LUZP2: variants seen among roughly 807,000 people sequenced by gnomAD.
LUZP2 encodes leucine zipper protein 2.
A neutral mutation model predicts 51.6 loss-of-function variants in LUZP2; 52 were observed. The observed-to-expected ratio is 1.01, with a 90% CI of 0.81 to 1.27. The LOEUF (loss-of-function observed/expected upper bound fraction) is 1.27, where lower values mean the gene tolerates loss of function less well. Ranked by LOEUF, LUZP2 falls within the 50% of genes most tolerant of loss-of-function variation. The pLI is 0.00. For synonymous variants in LUZP2, 154 were observed against 137.3 expected (o/e 1.12, Z -0.85); for missense variants, 436 against 395.4 (o/e 1.10, Z -0.87).
chr11:24,853,817 C>G (rs1564994244), intron 5 of LUZP2, among the ~76,000 whole-genome samples: 2 of 152,088 alleles, frequency 1.3e-5, no homozygotes, highest in Admixed American at 1.3e-4. Flanking sequence ...GTGTGGACAT[C>G]CTTTTTGTTG....
intron 7 of LUZP2, among the ~76,000 whole-genome samples, chr11:24,965,331 A>T (rs1167529891): frequency 6.7e-6 from 1 of 150,074 alleles, no homozygotes; most frequent in African/African-American, 2.5e-5. Context: ...TTTCTGCTGA[A>T]ATCTCCATTT....
chr11:24,917,964 T>G (rs1853853189), intron 7 of LUZP2, among the ~76,000 whole-genome samples: 1 of 152,148 alleles, frequency 6.6e-6, no homozygotes, highest in Non-Finnish European at 1.5e-5. Context: ...TTCCTACCCA[T>G]GAGCATGGAA....
intron 5 of LUZP2, among the ~76,000 whole-genome samples, chr11:24,819,360 TA>T (rs577969775): frequency 7.0e-4 from 106 of 152,188 alleles, no homozygotes; most frequent in Middle Eastern, 6.8e-3. Flanking sequence ...AAGAGAATGA[TA>T]GGACTTAATT....
At chr11:24,949,364 A>G (rs1488687426) in intron 7 of LUZP2, among the ~76,000 whole-genome samples, 2 of 151,160 alleles carry the variant, frequency 1.3e-5, no homozygotes, top group South Asian at 2.1e-4. Context: ...AATGATTTAG[A>G]CCTAAATGAT....
At chr11:24,979,030 T>C (rs1210324843) in intron 8 of LUZP2, among the ~76,000 whole-genome samples, 1 of 151,818 alleles carries the variant, frequency 6.6e-6, no homozygotes, top group Non-Finnish European at 1.5e-5. Flanking sequence ...ACTCTTTGAC[T>C]GAATGACCAT....
chr11:24,765,242 T>C (rs528596665), intron 5 of LUZP2, among the ~76,000 whole-genome samples: 2 of 152,326 alleles, frequency 1.3e-5, no homozygotes, highest in South Asian at 4.1e-4. Flanking sequence ...AGTGAAGTTA[T>C]ATGGGCACTT....
intron 9 of LUZP2, among the ~76,000 whole-genome samples, chr11:25,019,237 A>G (rs1324470855): frequency 6.6e-6 from 1 of 152,212 alleles, no homozygotes; most frequent in Admixed American, 6.5e-5. Flanking sequence ...AACAGAATCT[A>G]TCATATAGAA....
intron 5 of LUZP2, among the ~76,000 whole-genome samples, chr11:24,854,373 T>C (rs1485571344): frequency 6.6e-6 from 1 of 152,212 alleles, no homozygotes; most frequent in Non-Finnish European, 1.5e-5. Context: ...TGCTGAGCTA[T>C]GGTGGGCTCC....
At chr11:24,878,283 C>T (rs1356792435) in intron 5 of LUZP2, among the ~76,000 whole-genome samples, 1 of 151,906 alleles carries the variant, frequency 6.6e-6, no homozygotes, top group African/African-American at 2.4e-5. Context: ...TTTATTTCCC[C>T]TTCATATTTG....
At chr11:24,620,870 T>A (rs1854471561) in intron 1 of LUZP2, among the ~76,000 whole-genome samples, 1 of 152,214 alleles carries the variant, frequency 6.6e-6, no homozygotes, top group Admixed American at 6.5e-5. Context: ...GATTTAATGT[T>A]CAGTGAGAAC....
Position 24,564,372 on chromosome 11 carries a change from A to T in LUZP2, c.62+67067A>T, listed in dbSNP as rs79104319. 4.0e-3 allele frequency among the ~76,000 whole-genome samples: 603 copies of T among 152,288 alleles called. 24 individuals carry two copies. In the East Asian group the frequency reaches 0.086, roughly 22 times the overall value. On this transcript the variant is annotated intron_variant, in intron 1 of 11. Coordinates refer to ENST00000336930, the MANE Select transcript of LUZP2 (RefSeq NM_001009909.4). ...TAATAAAGTAAAATTTGTTTTTAAT[A>T]TAACTGAAATTTTAATTCAGGCTTA... is the stretch of plus-strand genomic sequence containing the variant.
chr11:24,729,298 A>C lies in LUZP2; in HGVS notation c.180+12A>C. 7.2e-7 allele frequency: 1 copy of C among 1,393,098 alleles called. No individual in the cohort carries two copies. Among genetic ancestry groups the C allele is most frequent in the Non-Finnish European group, 9.8e-7 (1 of 1,016,728 alleles). 86.3% of individuals were successfully genotyped at this position (1,393,098 alleles called of 1,614,324 possible). On this transcript the variant is annotated intron_variant, in intron 2 of 11. Transcript: ENST00000336930. ...AAGTCAATCTTCAGGTGAGATGAGA[A>C]CTCATTTTCCGAGCAGTAAAAGAGG...
At chr11:24,559,220 A>C (rs1851960665) in intron 1 of LUZP2, among the ~76,000 whole-genome samples, 1 of 152,196 alleles carries the variant, frequency 6.6e-6, no homozygotes, top group Admixed American at 6.5e-5. Context: ...AAAAACAAGT[A>C]GATTTGTAAA....
intron 1 of LUZP2, among the ~76,000 whole-genome samples, chr11:24,652,446 G>A (rs541115823): frequency 6.6e-6 from 1 of 152,010 alleles, no homozygotes; most frequent in South Asian, 2.1e-4. Context: ...AGAATGCTTA[G>A]GTTCACATAT....
chr11:24,973,936 A>G lies in LUZP2; in HGVS notation c.523-2655A>G, dbSNP rs554722006. 2.6e-5 allele frequency among the ~76,000 whole-genome samples: 4 copies of G among 152,164 alleles called. No homozygotes were observed. In the South Asian group the frequency reaches 6.2e-4, roughly 24 times the overall value. Reference sequence around the variant, plus strand: ...TGTTTTTTAATGGAGAGTTCTGTAGATATCTATCAGCTCTGCTTGATCCAG... The same window carrying G: ...TGTTTTTTAATGGAGAGTTCTGTAGGTATCTATCAGCTCTGCTTGATCCAG... On this transcript the variant is annotated intron_variant, in intron 7 of 11. Coordinates refer to ENST00000336930, the MANE Select transcript of LUZP2 (RefSeq NM_001009909.4).
At chr11:24,824,134 C>A (rs1850446190) in intron 5 of LUZP2, among the ~76,000 whole-genome samples, 1 of 151,630 alleles carries the variant, frequency 6.6e-6, no homozygotes, top group Non-Finnish European at 1.5e-5. Flanking sequence ...GAGGCCGAGG[C>A]AGGCGGATCA....
intron 1 of LUZP2, among the ~76,000 whole-genome samples, chr11:24,657,791 G>A (rs1438417972): frequency 6.6e-6 from 1 of 152,036 alleles, no homozygotes; most frequent in Non-Finnish European, 1.5e-5. Flanking sequence ...TTAACAAACA[G>A]AGAGCCAAAT....
At chr11:24,681,206 C>T (rs186047107) in intron 1 of LUZP2, among the ~76,000 whole-genome samples, 2 of 152,162 alleles carry the variant, frequency 1.3e-5, no homozygotes, top group South Asian at 2.1e-4. Context: ...TGGTCTCGAT[C>T]TCCTGACCTC....
chr11:24,998,403 A>G lies in LUZP2; in HGVS notation c.765+15110A>G, dbSNP rs11028329. ...AGCAATTGTGAATGGGAGTTCACTC[A>G]TGATTTGGCTCTCTGTTTGTCTGTT... On this transcript the variant is annotated intron_variant, in intron 9 of 11. Transcript: ENST00000336930. Among the ~76,000 whole-genome samples, 760 of 152,258 alleles carry G rather than the reference A, an allele frequency of 5.0e-3. 6 individuals are homozygous for G. The highest frequency in any genetic ancestry group is 0.018 in the African/African-American group (728 of 41,556).
Sources: allele counts gnomAD v4.1 joint callset (sites outside exome capture counted in the v4.1 genomes callset), GRCh38; gene constraint gnomAD v4.1.1; transcripts MANE v1.5; gene names NCBI Gene and HGNC (gene_info 2026-07-23, HGNC 2026-07-21).